Variants in ANK1 observed in about 807,000 individuals in gnomAD.
The protein encoded by ANK1 is ankyrin 1, also known as ankyrin-1.
ANK1 carries 51 observed loss-of-function variants against 210.4 expected under a neutral mutation model. The observed-to-expected ratio is 0.24, with a 90% confidence interval of 0.19 to 0.31. The LOEUF (loss-of-function observed/expected upper bound fraction) is 0.31. Among genes scored for constraint, ANK1 ranks in the 10% least tolerant of loss-of-function variants. The pLI is 1.00. For missense variants in ANK1, 2,051 were observed against 2,504.4 expected, an observed-to-expected ratio of 0.82 and a Z score of 3.86; for synonymous variants, 967 against 1,025.9, an observed-to-expected ratio of 0.94 and a Z score of 1.10.
Position 41,810,096 on chromosome 8 carries a change from G to A in ANK1, c.127-51959C>T, listed in dbSNP as rs568622877. On this transcript the variant is annotated intron_variant, in intron 1 of 42. Transcript: ENST00000265709. ...TCCCCTAAATTCCATCTTTACCCCT[G>A]ACCTGCTGATTATAAAGTTTAAAAC... 3.9e-5 allele frequency among the ~76,000 whole-genome samples: 6 copies of A among 152,290 alleles called. No homozygotes were observed. The East Asian group carries it at 1.2e-3, about 29-fold the overall frequency.
At chr8:41,701,934 C>T in intron 21 of ANK1, 118 bp downstream of exon 21, 3 of 1,077,512 alleles carry the variant, frequency 2.8e-6, no homozygotes, top group Non-Finnish European at 4.2e-6. Flanking sequence ...TCGGGCGCGG[C>T]GCCTCCGACC....
At chr8:41,873,452 T>C (rs1048313752) in intron 1 of ANK1, among the ~76,000 whole-genome samples, 2 of 152,186 alleles carry the variant, frequency 1.3e-5, no homozygotes, top group African/African-American at 4.8e-5. Flanking sequence ...ACAATAAGCC[T>C]CCAAGTCACC....
intron 1 of ANK1, among the ~76,000 whole-genome samples, chr8:41,776,002 C>T (rs1314910569): frequency 6.6e-6 from 1 of 152,166 alleles, no homozygotes; most frequent in East Asian, 1.9e-4. Context: ...TATTATTATT[C>T]CCATTTGACA....
chr8:41,770,665 C>A (rs2150733311), intron 1 of ANK1, among the ~76,000 whole-genome samples: 1 of 152,340 alleles, frequency 6.6e-6, no homozygotes, highest in East Asian at 1.9e-4. Context: ...GCCAAGAATT[C>A]TTGACATTAG....
At chr8:41,678,571 T>C (rs187031044) in intron 37 of ANK1, among the ~76,000 whole-genome samples, 1 of 152,368 alleles carries the variant, frequency 6.6e-6, no homozygotes, top group East Asian at 1.9e-4. Flanking sequence ...GAAAAATGTT[T>C]GGAGTTTCTC....
chr8:41,836,209 CCTT>C (rs770505408), intron 1 of ANK1, among the ~76,000 whole-genome samples: 102 of 152,370 alleles, frequency 6.7e-4, no homozygotes, highest in Non-Finnish European at 1.1e-3. Context: ...AGAGTGGCCT[CCTT>C]CTTGCTGCAG....
chr8:41,691,070 A>T (rs55769849), intron 31 of ANK1, among the ~76,000 whole-genome samples: 25,928 of 151,904 alleles, frequency 0.17, 4,821 homozygotes, highest in African/African-American at 0.47. Flanking sequence ...AAATTTTTTT[A>T]AAAAAACTAG....
chr8:41,845,679 T>C (rs1162307949), intron 1 of ANK1, among the ~76,000 whole-genome samples: 1 of 152,090 alleles, frequency 6.6e-6, no homozygotes, highest in Non-Finnish European at 1.5e-5. Context: ...TCTAGGATCC[T>C]GGCTCATTTG....
At position 41,695,310 on chromosome 8, in the gene ANK1, C is replaced by A; in HGVS notation, c.2982G>T (p.Pro994=). 1.9e-6 allele frequency: 3 copies of A among 1,614,026 alleles called. No individual in the cohort carries two copies. The highest frequency in any genetic ancestry group is 2.5e-6 in the Non-Finnish European group (3 of 1,180,022). ...QFLSPVIVEI[P]HFASHGRGDR... ...CTCCACGGCCATGGGAGGCAAAGTG[C>A]GGGATCTCCACGATTACAGGGCTGA... is the stretch of plus-strand genomic sequence containing the variant. The change falls in exon 27 of 43, where the codon CCG becomes CCT. Residue 994 remains proline (P), a synonymous_variant. Coordinates refer to ENST00000289734, the MANE Select transcript of ANK1 (RefSeq NM_000037.4).
chr8:41,795,496 G>A (rs535138686), intron 1 of ANK1, among the ~76,000 whole-genome samples: 1 of 152,000 alleles, frequency 6.6e-6, no homozygotes, highest in Non-Finnish European at 1.5e-5. Flanking sequence ...GCAACAGAGC[G>A]AGACTCTGTC....
chr8:41,769,970 CTTT>C (rs869176684), intron 1 of ANK1, among the ~76,000 whole-genome samples: 1 of 94,786 alleles, frequency 1.1e-5, no homozygotes, highest in South Asian at 3.6e-4. Context: ...TTTTTTTTTT[CTTT>C]TTTCTTTTTT....
At chr8:41,706,043 T>A in intron 18 of ANK1, 100 bp downstream of exon 18, 1 of 1,143,278 alleles carries the variant, frequency 8.7e-7, no homozygotes, top group Non-Finnish European at 1.3e-6. Context: ...GAGAAGAATG[T>A]CCCACTGGGT....
In ANK1 at chr8:41,699,546, C is replaced by T. The variant is rs1822094642; in HGVS notation, c.2464G>A (p.Glu822Lys). ...TCAGCCTTGAAGCTGATGAGTTCTTCCCCTGAAACAGCAAGAGCTCAAGTG... is the reference window on the plus strand; with the variant it reads ...TCAGCCTTGAAGCTGATGAGTTCTTTCCCTGAAACAGCAAGAGCTCAAGTG... ...EILDVSEDEG[E>K]ELISFKAERR... The change falls in exon 23 of 43, where the codon GAA (glutamate) becomes AAA (lysine). Residue 822 changes from glutamate (E) to lysine (K), a missense_variant and splice_region_variant. Physicochemically the swap from Glu to Lys is moderately conservative, Grantham distance 56. Coordinates refer to ENST00000289734, the MANE Select transcript of ANK1 (RefSeq NM_000037.4). 6.2e-6 allele frequency: 10 copies of T among 1,613,998 alleles called. No individual in the cohort carries two copies. The highest frequency in any genetic ancestry group is 8.5e-6 in the Non-Finnish European group (10 of 1,179,924).
rs1292183805 is a variant in ANK1, at chr8:41,758,099, T to C, written c.66A>G (p.Ser22=). 8.7e-6 allele frequency: 14 copies of C among 1,613,974 alleles called. No individual in the cohort carries two copies. The highest frequency in any genetic ancestry group is 5.0e-5 in the Admixed American group (3 of 60,010). The change falls in exon 2 of 43, where the codon TCA becomes TCG. Residue 22 remains serine (S), a synonymous_variant. Transcript: ENST00000289734. ...GATCCAAAGCTTTGTCCAAGTTACC[T>C]GATCTTGCTGCTCTCAGAAAGCTGG... ...AATSFLRAAR[S]GNLDKALDHL... is the part of the protein sequence containing the mutation.
chr8:41,668,070 C>T lies in ANK1; in HGVS notation c.5394+197G>A, dbSNP rs541194. Among the ~76,000 whole-genome samples, 41,400 of 152,156 alleles carry T rather than the reference C, an allele frequency of 0.27. 5,760 individuals are homozygous for T. The highest frequency in any genetic ancestry group is 0.46 in the East Asian group (2,383 of 5,178). ...TCAGCAGCTGCCCAACAGGTACAGG[C>T]GCCTTAGCAGGGATCCAGGAGGCAG... On this transcript the variant is annotated intron_variant, in intron 39 of 42. Coordinates refer to ENST00000289734, the MANE Select transcript of ANK1 (RefSeq NM_000037.4).
chr8:41,836,370 T>C (rs964753806), intron 1 of ANK1, among the ~76,000 whole-genome samples: 1 of 152,240 alleles, frequency 6.6e-6, no homozygotes, highest in Admixed American at 6.5e-5. Context: ...TCCAGAGATT[T>C]CTTGCTCTGT....
intron 37 of ANK1, among the ~76,000 whole-genome samples, chr8:41,673,982 A>G (rs184585441): frequency 1.3e-5 from 2 of 152,156 alleles, no homozygotes; most frequent in African/African-American, 4.8e-5. Flanking sequence ...AGATGTCCAG[A>G]CACCCCCAGC....
In ANK1 at chr8:41,673,009, G is replaced by C. The variant is rs975646795; in HGVS notation, c.4538-97C>G. On this transcript the variant is annotated intron_variant, in intron 37 of 42. Transcript: ENST00000289734. ...GCACACGCACGAACACACACATGCGGGTGCGGCCACAGAGATGCATGCACA... is the reference window on the plus strand; with the variant it reads ...GCACACGCACGAACACACACATGCGCGTGCGGCCACAGAGATGCATGCACA... The C allele has an allele frequency of 1.8e-5, 23 of 1,299,166 alleles. No individual in the cohort carries two copies. In the African/African-American group the frequency reaches 2.8e-4, roughly 16 times the overall value. The allele number at this position is 1,299,166 out of a possible 1,614,324, so 80.5% of individuals were successfully genotyped here.
intron 16 of ANK1, among the ~76,000 whole-genome samples, chr8:41,709,365 G>A (rs1182021770): frequency 6.6e-6 from 1 of 152,220 alleles, no homozygotes; most frequent in African/African-American, 2.4e-5. Context: ...TTCTTTCCCA[G>A]TGCAACTGGG....
Sources: gnomAD v4.1 joint callset for allele counts (sites outside exome capture counted in the v4.1 genomes callset) on GRCh38, gnomAD v4.1.1 for gene constraint, MANE v1.5 for transcripts, NCBI Gene and HGNC (gene_info 2026-07-23, HGNC 2026-07-21) for gene names.